Variants in PARD3B observed in about 807,000 individuals in gnomAD.
PARD3B encodes par-3 family cell polarity regulator beta, also known as partitioning defective 3 homolog B.
PARD3B carries 103 observed loss-of-function variants against 130.2 expected under a neutral mutation model. The observed-to-expected ratio is 0.79, with a 90% confidence interval of 0.67 to 0.93. The LOEUF is 0.93. Ranked by LOEUF, PARD3B falls within the 40% of genes least tolerant of loss-of-function variation. The pLI, the probability that PARD3B is intolerant of heterozygous loss-of-function variation, is 0.00. For missense variants in PARD3B, 1,609 were observed against 1,499.2 expected (o/e 1.07, Z -1.21); for synonymous variants, 583 against 553.2 (o/e 1.05, Z -0.76).
chr2:205,084,292 T>C (rs1015161411), intron 4 of PARD3B, among the ~76,000 whole-genome samples: 2 of 152,168 alleles, frequency 1.3e-5, no homozygotes, highest in African/African-American at 4.8e-5. Flanking sequence ...TGCTGCCTTA[T>C]GGTATCATCT....
chr2:204,981,904 A>G (rs542483736), intron 3 of PARD3B, among the ~76,000 whole-genome samples: 1 of 152,192 alleles, frequency 6.6e-6, no homozygotes, highest in Admixed American at 6.5e-5. Context: ...ATTTTGAGAA[A>G]AATTCTTCAT....
chr2:205,582,885 C>G (rs981608447), intron 22 of PARD3B, among the ~76,000 whole-genome samples: 11 of 152,064 alleles, frequency 7.2e-5, no homozygotes, highest in Non-Finnish European at 1.6e-4. Flanking sequence ...GCCTACAGTT[C>G]CCTGTGACAG....
intron 4 of PARD3B, among the ~76,000 whole-genome samples, chr2:205,085,119 G>A (rs761027283): frequency 6.6e-6 from 1 of 151,986 alleles, no homozygotes; most frequent in African/African-American, 2.4e-5. Context: ...ATATTAGGAG[G>A]CTACGTTGTT....
At chr2:204,889,994 C>T (rs919346453) in intron 2 of PARD3B, among the ~76,000 whole-genome samples, 1 of 152,228 alleles carries the variant, frequency 6.6e-6, no homozygotes, top group Non-Finnish European at 1.5e-5. Flanking sequence ...ATGTGTTTCT[C>T]CTTCTATAGA....
chr2:205,397,733 C>G lies in PARD3B; in HGVS notation c.2631-3280C>G, dbSNP rs1199339888. Reference sequence around the variant, plus strand: ...TCATCAACCTCCTAAAGCATTATTTCTACCCTGACTCCCCACCGTGTTGAA... The same window carrying G: ...TCATCAACCTCCTAAAGCATTATTTGTACCCTGACTCCCCACCGTGTTGAA... On this transcript the variant is annotated intron_variant, in intron 18 of 22. Transcript: ENST00000406610. This position sits in a 1 kb window ranked among gnomAD's most constrained non-coding sequence, Gnocchi z 4.8. 6.6e-6 allele frequency among the ~76,000 whole-genome samples: 1 copy of G among 152,106 alleles called. No homozygotes were observed. The highest frequency in any genetic ancestry group is 1.5e-5 in the Non-Finnish European group (1 of 68,004).
intron 2 of PARD3B, among the ~76,000 whole-genome samples, chr2:204,927,659 A>G (rs1043512579): frequency 2.6e-5 from 4 of 152,180 alleles, no homozygotes; most frequent in African/African-American, 2.4e-5. Flanking sequence ...AATCCATTCT[A>G]TTAGAGAGGA....
At position 204,639,551 on chromosome 2, in the gene PARD3B, A is replaced by G. The variant is rs190123201; in HGVS notation, c.121-46630A>G. On this transcript the variant is annotated intron_variant, in intron 1 of 22. Transcript: ENST00000406610. ...CAGTGCAGACTTTTTTCTTGTCATT[A>G]TTCCCTAAGCAATAGAGTATAACAA... Among the ~76,000 whole-genome samples, 541 of 152,284 alleles carry G rather than the reference A, an allele frequency of 3.6e-3. 3 individuals carry two copies. The highest frequency in any genetic ancestry group is 0.013 in the African/African-American group (527 of 41,560).
intron 2 of PARD3B, among the ~76,000 whole-genome samples, chr2:204,879,379 G>C (rs2045957188): frequency 6.6e-6 from 1 of 152,172 alleles, no homozygotes; most frequent in Non-Finnish European, 1.5e-5. Flanking sequence ...TTGATTTAAA[G>C]TGAATCTTTA....
intron 4 of PARD3B, among the ~76,000 whole-genome samples, chr2:205,068,334 T>G (rs1340322306): frequency 6.6e-6 from 1 of 152,214 alleles, no homozygotes; most frequent in Non-Finnish European, 1.5e-5. Context: ...ACTTTATGTG[T>G]AGTTATGTTC....
chr2:204,676,592 C>T (rs1201645246), intron 1 of PARD3B, among the ~76,000 whole-genome samples: 3 of 151,340 alleles, frequency 2.0e-5, no homozygotes, highest in Admixed American at 6.6e-5. Flanking sequence ...ATACGGCTAT[C>T]TAGCCTTTGC....
chr2:204,962,679 A>G (rs1476794388), intron 2 of PARD3B, among the ~76,000 whole-genome samples: 1 of 152,196 alleles, frequency 6.6e-6, no homozygotes, highest in African/African-American at 2.4e-5. Context: ...CCTGCAACAT[A>G]TGATTTAAAC....
intron 1 of PARD3B, among the ~76,000 whole-genome samples, chr2:204,652,426 T>C (rs1407723858): frequency 6.6e-6 from 1 of 152,174 alleles, no homozygotes; most frequent in Non-Finnish European, 1.5e-5. Context: ...CACCAATCTC[T>C]TCACTAAAGC....
At chr2:204,566,202 A>T (rs185069557) in intron 1 of PARD3B, among the ~76,000 whole-genome samples, 131 of 152,222 alleles carry the variant, frequency 8.6e-4, no homozygotes, top group African/African-American at 2.5e-3. Flanking sequence ...TTTCACATTT[A>T]AAAAAAATCT....
chr2:205,066,903 A>G (rs866069596), intron 4 of PARD3B, among the ~76,000 whole-genome samples: 8 of 152,124 alleles, frequency 5.3e-5, no homozygotes, highest in African/African-American at 1.9e-4. Context: ...ACCCTGGATG[A>G]GTTGAAACTG....
intron 22 of PARD3B, among the ~76,000 whole-genome samples, chr2:205,583,119 T>A (rs2054055497): frequency 6.6e-6 from 1 of 152,236 alleles, no homozygotes; most frequent in Non-Finnish European, 1.5e-5. Context: ...GTGCAATATA[T>A]GCTCTCCGTG....
intron 18 of PARD3B, among the ~76,000 whole-genome samples, chr2:205,332,213 A>C (rs1346110773): frequency 6.6e-6 from 1 of 152,186 alleles, no homozygotes; most frequent in East Asian, 1.9e-4. Context: ...TTTTTAGCTA[A>C]CACCCTTTTC....
chr2:204,932,960 T>C (rs994922381), intron 2 of PARD3B, among the ~76,000 whole-genome samples: 3 of 152,142 alleles, frequency 2.0e-5, no homozygotes, highest in Non-Finnish European at 4.4e-5. Flanking sequence ...TAGAGGGTTA[T>C]GTATTATTCA....
At chr2:205,539,883 T>C (rs969700652) in intron 21 of PARD3B, among the ~76,000 whole-genome samples, 13 of 152,190 alleles carry the variant, frequency 8.5e-5, no homozygotes, top group African/African-American at 2.9e-4. Flanking sequence ...AAAGCCCTCT[T>C]AGCCAAAGAA....
intron 11 of PARD3B, among the ~76,000 whole-genome samples, chr2:205,165,883 C>A (rs2034785587): frequency 6.6e-6 from 1 of 151,980 alleles, no homozygotes; most frequent in Non-Finnish European, 1.5e-5. Context: ...TTAAATTTTA[C>A]AATTTCTGAA....
Sources: gnomAD v4.1 joint callset for allele counts (sites outside exome capture counted in the v4.1 genomes callset) on GRCh38, gnomAD v4.1.1 for gene constraint, Gnocchi (gnomAD v3.1) non-coding constraint, MANE v1.5 for transcripts, NCBI Gene and HGNC (gene_info 2026-07-23, HGNC 2026-07-21) for gene names.